Variants in CREB5 observed in about 807,000 individuals in gnomAD.
CREB5 encodes the protein cyclic AMP-responsive element-binding protein 5.
Under a neutral mutation model 57.1 loss-of-function variants are expected in CREB5, and 19 were observed. The observed-to-expected ratio is 0.33, with a 90% confidence interval of 0.23 to 0.49. The LOEUF (loss-of-function observed/expected upper bound fraction) is 0.49, where lower values mean the gene tolerates loss of function less well. CREB5 is among the 20% of genes least tolerant of loss of function. The pLI, the probability that CREB5 is intolerant of heterozygous loss-of-function variation, is 0.99. For missense variants in CREB5, 579 were observed against 671.6 expected (o/e 0.86, Z 1.52); for synonymous variants, 238 against 238.3 (o/e 1.00, Z 0.01).
At chr7:28,744,591 AC>A (rs1804591642) in intron 7 of CREB5, among the ~76,000 whole-genome samples, 1 of 151,638 alleles carries the variant, frequency 6.6e-6, no homozygotes, top group East Asian at 1.9e-4. Context: ...CAGGTGATCC[AC>A]CCGCCTCGGC....
chr7:28,438,039 C>CAT (rs993790293), intron 1 of CREB5, among the ~76,000 whole-genome samples: 5 of 152,054 alleles, frequency 3.3e-5, no homozygotes, highest in Non-Finnish European at 7.4e-5. Flanking sequence ...CGGGATGCAT[C>CAT]GTGATGCATC....
At chr7:28,502,841 T>C (rs1792323568) in intron 3 of CREB5, among the ~76,000 whole-genome samples, 1 of 152,254 alleles carries the variant, frequency 6.6e-6, no homozygotes, top group African/African-American at 2.4e-5. Context: ...TTTGTCACTT[T>C]GACTTTTTTA....
chr7:28,540,822 T>G (rs1794176740), intron 4 of CREB5, among the ~76,000 whole-genome samples: 1 of 152,168 alleles, frequency 6.6e-6, no homozygotes, highest in Non-Finnish European at 1.5e-5. Flanking sequence ...CCTAGGGCGC[T>G]TTCATCCCTG....
At chr7:28,558,756 G>C (rs1417772168) in intron 4 of CREB5, among the ~76,000 whole-genome samples, 1 of 152,156 alleles carries the variant, frequency 6.6e-6, no homozygotes, top group Non-Finnish European at 1.5e-5. Flanking sequence ...GCTTTCCAGA[G>C]AGTGCTACAT....
intron 7 of CREB5, among the ~76,000 whole-genome samples, chr7:28,802,696 C>T (rs1313790128): frequency 6.6e-6 from 1 of 152,212 alleles, no homozygotes; most frequent in East Asian, 1.9e-4. Context: ...TTGACTGTGT[C>T]ACAGAAGAAA....
At chr7:28,575,288 A>G (rs1795862597) in intron 5 of CREB5, among the ~76,000 whole-genome samples, 1 of 152,226 alleles carries the variant, frequency 6.6e-6, no homozygotes, top group African/African-American at 2.4e-5. Context: ...GTGTTCCCTC[A>G]AGATGGGAAT....
chr7:28,489,695 G>A (rs1200394216), intron 2 of CREB5, among the ~76,000 whole-genome samples: 2 of 152,164 alleles, frequency 1.3e-5, no homozygotes, highest in African/African-American at 4.8e-5. Context: ...ATTGTTGCTG[G>A]TGTTATCAAC....
intron 1 of CREB5, among the ~76,000 whole-genome samples, chr7:28,433,369 C>T (rs1420480501): frequency 2.0e-5 from 3 of 152,062 alleles, no homozygotes; most frequent in South Asian, 2.1e-4. Context: ...TTTTAATTTG[C>T]TTTTATTTGA....
intron 7 of CREB5, among the ~76,000 whole-genome samples, chr7:28,763,811 T>TTATTATTA (rs10692164): frequency 3.1e-5 from 3 of 96,328 alleles, no homozygotes; most frequent in Non-Finnish European, 6.0e-5. Context: ...ATTATTATTA[T>TTATTATTA]TTTTTTTTGA....
At chr7:28,623,398 C>A (rs1797878453) in intron 5 of CREB5, among the ~76,000 whole-genome samples, 1 of 152,168 alleles carries the variant, frequency 6.6e-6, no homozygotes. Context: ...AAAAAAGAGT[C>A]TTTATATGTC....
intron 1 of CREB5, among the ~76,000 whole-genome samples, chr7:28,402,752 A>G (rs1326415759): frequency 6.6e-6 from 1 of 152,238 alleles, no homozygotes; most frequent in East Asian, 1.9e-4. Context: ...ACCATTCAGG[A>G]CATAGGCATG....
Position 28,418,282 on chromosome 7 carries a change from A to C in CREB5, c.3+5365A>C, listed in dbSNP as rs114139464. Among the ~76,000 whole-genome samples, 521 of 152,366 alleles carry C rather than the reference A, an allele frequency of 3.4e-3. 4 individuals carry two copies. Among genetic ancestry groups the C allele is most frequent in the African/African-American group, 0.012 (503 of 41,584 alleles). ...GAAGAATCAATGTTTTTCAATGCAC[A>C]TCAGAATGCTTTATTTTAATATACC... is the stretch of plus-strand genomic sequence containing the variant. On this transcript the variant is annotated intron_variant, in intron 1 of 10. Coordinates refer to ENST00000357727, the MANE Select transcript of CREB5 (RefSeq NM_182898.4).
chr7:28,757,812 A>G (rs1805417611), intron 7 of CREB5, among the ~76,000 whole-genome samples: 1 of 152,142 alleles, frequency 6.6e-6, no homozygotes, highest in African/African-American at 2.4e-5. Flanking sequence ...GAATATTTAC[A>G]TTACACCGGT....
intron 1 of CREB5, among the ~76,000 whole-genome samples, chr7:28,336,618 T>G (rs889015229): frequency 6.6e-6 from 1 of 152,008 alleles, no homozygotes. Context: ...TTTGTCAATT[T>G]TGTTTATCTT....
At chr7:28,339,068 T>C (rs1028149076) in intron 1 of CREB5, among the ~76,000 whole-genome samples, 2 of 152,144 alleles carry the variant, frequency 1.3e-5, no homozygotes, top group African/African-American at 4.8e-5. Context: ...ACAGTTATTT[T>C]GAATTCCCTG....
intron 5 of CREB5, among the ~76,000 whole-genome samples, chr7:28,589,843 G>C (rs1796434893): frequency 6.6e-6 from 1 of 152,150 alleles, no homozygotes; most frequent in Admixed American, 6.5e-5. Flanking sequence ...GAAAAGGGCT[G>C]TGTGAAGCTT....
At chr7:28,530,435 T>A (rs1274293726) in intron 4 of CREB5, among the ~76,000 whole-genome samples, 1 of 152,098 alleles carries the variant, frequency 6.6e-6, no homozygotes, top group African/African-American at 2.4e-5. Context: ...CACGAAGCCA[T>A]AGCCAATGTC....
At chr7:28,370,039 A>G (rs540161810) in intron 1 of CREB5, among the ~76,000 whole-genome samples, 4 of 152,296 alleles carry the variant, frequency 2.6e-5, no homozygotes, top group African/African-American at 2.4e-5. Context: ...TGCTCATAGT[A>G]AAACCCATAG....
intron 4 of CREB5, among the ~76,000 whole-genome samples, chr7:28,560,843 T>TGCGC (rs71842927): frequency 4.3e-4 from 33 of 76,364 alleles, no homozygotes; most frequent in African/African-American, 1.5e-3. Flanking sequence ...CGTGTGTGTG[T>TGCGC]GCGCGTGTGT....
Sources: gnomAD v4.1 joint callset for allele counts (sites outside exome capture counted in the v4.1 genomes callset) on GRCh38, gnomAD v4.1.1 for gene constraint, MANE v1.5 for transcripts, NCBI Gene and HGNC (gene_info 2026-07-23, HGNC 2026-07-21) for gene names.